The following BRCA1 variants were observed in gnomAD, a reference collection of about 807,000 sequenced individuals.
BRCA1 encodes breast cancer type 1 susceptibility protein.
BRCA1 carries 140 observed loss-of-function variants against 173.7 expected under a neutral mutation model. That is an observed-to-expected ratio of 0.81 (90% CI 0.70 to 0.93). BRCA1 has a LOEUF of 0.93. BRCA1 is among the 40% of genes least tolerant of loss of function. The pLI, the probability that BRCA1 is intolerant of heterozygous loss-of-function variation, is 0.00. For synonymous variants in BRCA1, 662 were observed against 756.0 expected, an observed-to-expected ratio of 0.88 and a Z score of 2.04; for missense variants, 1,983 against 2,172.5, an observed-to-expected ratio of 0.91 and a Z score of 1.73.
intron 1 of BRCA1, chr17:43,138,388 C>T (rs12150405): frequency 3.8e-6 from 2 of 526,008 alleles, no homozygotes; most frequent in African/African-American, 1.9e-5. Flanking sequence ...CTCCAATCAA[C>T]TCAGGGCATG....
intron 20 of BRCA1, among the ~76,000 whole-genome samples, chr17:43,050,468 T>G (rs1391911162): frequency 6.6e-6 from 1 of 151,302 alleles, no homozygotes; most frequent in Non-Finnish European, 1.5e-5. Flanking sequence ...AAAAAATTAG[T>G]CGGGCGTGGT....
intron 6 of BRCA1, among the ~76,000 whole-genome samples, chr17:43,100,552 G>A (rs2154531676): frequency 5.9e-5 from 1 of 16,896 alleles, no homozygotes; most frequent in East Asian, 1.3e-3. Context: ...ATATGTGTGT[G>A]TGTGTGTATA....
At chr17:43,125,854 C>T (rs955765728), upstream of BRCA1, 1 of 155,572 alleles carries the variant, frequency 6.4e-6, no homozygotes, top group African/African-American at 2.4e-5. Context: ...AGGTCTTCGC[C>T]ACAGTGTTCC....
upstream of BRCA1, among the ~76,000 whole-genome samples, chr17:43,126,820 G>A (rs775669794): frequency 1.3e-5 from 2 of 152,226 alleles, no homozygotes; most frequent in African/African-American, 4.8e-5. Flanking sequence ...GGCTCCCTCT[G>A]CTTGCGGGGA....
At chr17:43,116,436 C>A (rs1021031550) in intron 2 of BRCA1, among the ~76,000 whole-genome samples, 1 of 152,142 alleles carries the variant, frequency 6.6e-6, no homozygotes, top group African/African-American at 2.4e-5. Flanking sequence ...TGCAAACATA[C>A]CTCACTGCAG....
intron 3 of BRCA1, among the ~76,000 whole-genome samples, chr17:43,109,507 C>A: frequency 6.6e-6 from 1 of 152,112 alleles, no homozygotes; most frequent in East Asian, 1.9e-4. Context: ...AGACTTGGGT[C>A]CTTCTTCGCC....
At chr17:43,102,357 CT>C (rs35584960) in intron 6 of BRCA1, among the ~76,000 whole-genome samples, 82 of 93,200 alleles carry the variant, frequency 8.8e-4, no homozygotes, top group Admixed American at 1.9e-3. Flanking sequence ...AGGCGTGAAG[CT>C]TTTTTTTTTT....
At chr17:43,118,089 G>C (rs762363239) in intron 2 of BRCA1, among the ~76,000 whole-genome samples, 1 of 152,044 alleles carries the variant, frequency 6.6e-6, no homozygotes, top group African/African-American at 2.4e-5. Flanking sequence ...ATGTACATGG[G>C]GGGAGTCAGG....
chr17:43,086,473 A>T (rs1419624276), intron 11 of BRCA1, among the ~76,000 whole-genome samples: 1 of 152,182 alleles, frequency 6.6e-6, no homozygotes, highest in Non-Finnish European at 1.5e-5. Flanking sequence ...GGGAAAAAAA[A>T]ATCCCACTTC....
At chr17:43,115,518 A>G (rs2055225763) in intron 3 of BRCA1, among the ~76,000 whole-genome samples, 2 of 150,740 alleles carry the variant, frequency 1.3e-5, no homozygotes, top group Admixed American at 6.6e-5. Context: ...AAAAAAAAAG[A>G]TAATATATGT....
chr17:43,148,250 A>G (rs189610825), intron 1 of BRCA1: 43 of 164,586 alleles, frequency 2.6e-4, no homozygotes, highest in Admixed American at 8.5e-4. Flanking sequence ...AGATCGCGCC[A>G]TTGTACTCCA....
At chr17:43,151,464 T>C (rs2056161174) in intron 1 of BRCA1, among the ~76,000 whole-genome samples, 2 of 152,100 alleles carry the variant, frequency 1.3e-5, no homozygotes, top group Admixed American at 1.3e-4. Context: ...CCTATATTCC[T>C]AGCTCTGGGA....
In BRCA1 at chr17:43,048,978, A is replaced by T. The variant is rs1045238178; in HGVS notation, c.5406+143T>A. 7.9e-6 allele frequency: 6 copies of T among 763,086 alleles called. No homozygotes were observed. In the African/African-American group the frequency reaches 1.0e-4, roughly 13 times the overall value. 47.3% of individuals were successfully genotyped at this position (763,086 alleles called of 1,614,324 possible). A position where few individuals can be genotyped will look rare whatever the true frequency, so the allele number is the denominator to read the frequency against. ...TCAAATCCTTACCCATCCCTTACAG[A>T]TGGAGTCTTTTGGCACAGGTATGTG... is the stretch of plus-strand genomic sequence containing the variant. On this transcript the variant is annotated intron_variant, in intron 21 of 22. Coordinates refer to ENST00000357654, the MANE Select transcript of BRCA1 (RefSeq NM_007294.4).
At chr17:43,102,071 T>A (rs1219571594) in intron 6 of BRCA1, among the ~76,000 whole-genome samples, 1 of 150,924 alleles carries the variant, frequency 6.6e-6, no homozygotes. Context: ...CCCAGCTAAG[T>A]TTTTTTGTTT....
intron 1 of BRCA1, chr17:43,167,420 T>A (rs2056275063): frequency 6.6e-6 from 1 of 152,122 alleles, no homozygotes; most frequent in Non-Finnish European, 1.5e-5. Flanking sequence ...CGTGATCAAT[T>A]GAGCAAGCAG....
chr17:43,127,753 A>C (rs34410138), upstream of BRCA1, among the ~76,000 whole-genome samples: 1 of 151,852 alleles, frequency 6.6e-6, no homozygotes, highest in African/African-American at 2.4e-5. Context: ...GCTGGGTGCC[A>C]GTGGCTCACA....
chr17:43,148,781 ACT>A (rs1218263833), intron 1 of BRCA1: 2 of 167,736 alleles, frequency 1.2e-5, no homozygotes, highest in African/African-American at 4.8e-5. Flanking sequence ...TATAAGAATG[ACT>A]CTGTTTTGGA....
At chr17:43,143,948 C>T (rs748564498) in intron 1 of BRCA1, among the ~76,000 whole-genome samples, 4 of 152,118 alleles carry the variant, frequency 2.6e-5, no homozygotes, top group East Asian at 1.9e-4. Flanking sequence ...AGGCCGGGTG[C>T]GGTGGCTCAG....
rs774730386 is a variant in BRCA1, at chr17:43,093,159, A to C, written c.2372T>G (p.Leu791Arg). 1 of 1,613,760 alleles carries C rather than the reference A, an allele frequency of 6.2e-7. No individual in the cohort carries two copies. The highest frequency in any genetic ancestry group is 1.7e-5 in the Admixed American group (1 of 60,004). ...ESISLLEVST[L>R]GKAKTEPNKC... ...ATTTGGTTCTGTTTTTGCCTTCCCT[A>C]GAGTGCTAACTTCCAGTAACGAGAT... The change falls in exon 10 of 23, where the codon CTA (leucine) becomes CGA (arginine). Residue 791 changes from leucine to arginine, a missense_variant. Transcript: ENST00000357654.
Sources: gnomAD v4.1 joint callset for allele counts (sites outside exome capture counted in the v4.1 genomes callset) on GRCh38, gnomAD v4.1.1 for gene constraint, MANE v1.5 for transcripts, NCBI Gene and HGNC (gene_info 2026-07-23, HGNC 2026-07-21) for gene names.